Variants in CAST observed in about 807,000 individuals in gnomAD.
CAST encodes the protein MIR583 host.
Under a neutral mutation model 119.6 loss-of-function variants are expected in CAST, and 76 were observed. The observed-to-expected ratio is 0.64, with a 90% CI of 0.53 to 0.77. CAST has a LOEUF of 0.77. Among genes scored for constraint, CAST ranks in the 30% least tolerant of loss-of-function variants. The probability of loss-of-function intolerance (pLI) is 0.00; values close to 1 mark genes in which losing one functional copy is unlikely to be tolerated. For missense variants in CAST, 953 were observed against 946.5 expected, an observed-to-expected ratio of 1.01 and a Z score of -0.09; for synonymous variants, 319 against 331.6, an observed-to-expected ratio of 0.96 and a Z score of 0.41.
Position 96,559,693 on chromosome 5 carries a change from T to G in CAST, c.60+29813T>G, listed in dbSNP as rs949366244. Among the ~76,000 whole-genome samples, 10 of 152,120 alleles carry G rather than the reference T, an allele frequency of 6.6e-5. No homozygotes were observed. The East Asian group carries it at 1.7e-3, about 26-fold the overall frequency. Reference sequence around the variant, plus strand: ...AGGAGAACTACAAACCACTGCTCAATGAAATAAAAGAGGATACAAGCAAAT... The same window carrying G: ...AGGAGAACTACAAACCACTGCTCAAGGAAATAAAAGAGGATACAAGCAAAT... On this transcript the variant is annotated intron_variant, in intron 1 of 11. Coordinates refer to the CAST transcript ENST00000505143.
At chr5:96,355,436 C>T in the CAST span, among the ~76,000 whole-genome samples, 2 of 152,100 alleles carry the variant, frequency 1.3e-5, no homozygotes, top group Admixed American at 6.6e-5. Flanking sequence ...TCATTAATGG[C>T]ATTTGGGTTG....
the CAST span, among the ~76,000 whole-genome samples, chr5:95,968,187 G>A: frequency 6.6e-6 from 1 of 152,162 alleles, no homozygotes; most frequent in Admixed American, 6.6e-5. Context: ...GGTCTTGAAA[G>A]CAAGACTTAA....
At chr5:96,485,367 A>G in the CAST span, among the ~76,000 whole-genome samples, 1 of 152,172 alleles carries the variant, frequency 6.6e-6, no homozygotes, top group Non-Finnish European at 1.5e-5. Context: ...GAAAGTTATT[A>G]CCATCTTTAA....
In CAST at chr5:96,617,573, A is replaced by G. The variant is rs1328395885; in HGVS notation, c.61-57966A>G. Among the ~76,000 whole-genome samples the G allele has an allele frequency of 2.6e-5, 4 of 151,914 alleles. No individual in the cohort carries two copies. The East Asian group carries it at 7.7e-4, about 29-fold the overall frequency. On this transcript the variant is annotated intron_variant, in intron 1 of 11. Coordinates refer to the CAST transcript ENST00000505143. ...GGGAGGCCAAGGCGGGCGAATCACAAGGTCAGGAGATCGAGACCATCCTGG... is the reference window on the plus strand; with the variant it reads ...GGGAGGCCAAGGCGGGCGAATCACAGGGTCAGGAGATCGAGACCATCCTGG...
the CAST span, among the ~76,000 whole-genome samples, chr5:96,021,385 A>T: frequency 6.6e-6 from 1 of 152,190 alleles, no homozygotes; most frequent in African/African-American, 2.4e-5. Context: ...CTTAGTGCCT[A>T]AAGAGCTCTG....
chr5:96,214,736 G>C, the CAST span: 1 of 152,144 alleles, frequency 6.6e-6, no homozygotes, highest in African/African-American at 2.4e-5. Flanking sequence ...GCACTGTGAT[G>C]AGAACAAAGC....
At chr5:96,722,517 G>A in intron 3 of CAST, 122 bp from the exon 4 acceptor site, 2 of 705,774 alleles carry the variant, frequency 2.8e-6, no homozygotes, top group South Asian at 3.3e-5. Context: ...AGATTTTTGT[G>A]CTCTAAACTG....
At chr5:96,240,348 G>A in the CAST span, among the ~76,000 whole-genome samples, 22 of 152,276 alleles carry the variant, frequency 1.4e-4, 1 homozygote, top group South Asian at 4.2e-3. Flanking sequence ...ATCAGCAGAA[G>A]AATGTTGACT....
At chr5:96,365,535 T>G in the CAST span, among the ~76,000 whole-genome samples, 1 of 152,364 alleles carries the variant, frequency 6.6e-6, no homozygotes, top group African/African-American at 2.4e-5. Flanking sequence ...ATATTTAGGA[T>G]AGTTAGCTCT....
chr5:96,573,652 A>G (rs1430875596), intron 1 of CAST, among the ~76,000 whole-genome samples: 2 of 149,622 alleles, frequency 1.3e-5, no homozygotes, highest in Non-Finnish European at 3.0e-5. Context: ...AAAAAAAATG[A>G]CATGCACAGA....
chr5:96,204,043 T>A, the CAST span, among the ~76,000 whole-genome samples: 1 of 152,126 alleles, frequency 6.6e-6, no homozygotes, highest in South Asian at 2.1e-4. Flanking sequence ...TTCAGGCTTC[T>A]AATGAAAAGA....
At chr5:96,414,739 C>T in the CAST span, among the ~76,000 whole-genome samples, 3 of 152,188 alleles carry the variant, frequency 2.0e-5, no homozygotes, top group African/African-American at 7.2e-5. Context: ...CAAACTATAG[C>T]TGTTTCGTTC....
the CAST span, among the ~76,000 whole-genome samples, chr5:96,264,324 G>A: frequency 4.6e-5 from 7 of 152,256 alleles, no homozygotes; most frequent in South Asian, 1.2e-3. Context: ...CATTAAATAA[G>A]TCTACTCGTA....
At chr5:96,490,821 T>C in the CAST span, among the ~76,000 whole-genome samples, 1 of 152,016 alleles carries the variant, frequency 6.6e-6, no homozygotes, top group African/African-American at 2.4e-5. Flanking sequence ...AGAGATTATT[T>C]TGGAATAAAT....
At chr5:96,297,327 G>A in the CAST span, among the ~76,000 whole-genome samples, 1 of 152,160 alleles carries the variant, frequency 6.6e-6, no homozygotes, top group Non-Finnish European at 1.5e-5. Flanking sequence ...AAAACTTGGG[G>A]GTAGAGAAGG....
chr5:96,697,039 G>A (rs1000618240), intron 3 of CAST, among the ~76,000 whole-genome samples: 13 of 151,636 alleles, frequency 8.6e-5, no homozygotes, highest in Admixed American at 5.2e-4. Flanking sequence ...GTGGTGGTGC[G>A]CACCTGTAGT....
intron 1 of CAST, among the ~76,000 whole-genome samples, chr5:96,559,022 C>T (rs996245490): frequency 6.6e-5 from 10 of 152,130 alleles, no homozygotes; most frequent in Middle Eastern, 3.2e-3. Flanking sequence ...ATCAAGTGGG[C>T]TTCATCCCTG....
the CAST span, among the ~76,000 whole-genome samples, chr5:96,466,581 T>C: frequency 6.6e-6 from 1 of 151,996 alleles, no homozygotes; most frequent in Admixed American, 6.6e-5. Flanking sequence ...GGGGTTTTTT[T>C]TTCCATAAAC....
the CAST span, among the ~76,000 whole-genome samples, chr5:95,990,671 A>T: frequency 1.3e-5 from 2 of 152,164 alleles, no homozygotes; most frequent in South Asian, 4.1e-4. Context: ...TTTAAAAATG[A>T]TTATGTGAAT....
Sources: gnomAD v4.1 joint callset for allele counts (sites outside exome capture counted in the v4.1 genomes callset) on GRCh38, gnomAD v4.1.1 for gene constraint, MANE v1.5 for transcripts, NCBI Gene and HGNC (gene_info 2026-07-23, HGNC 2026-07-21) for gene names.